The following L3MBTL4 variants were observed in gnomAD, a reference collection of about 807,000 sequenced individuals.
L3MBTL4 encodes lethal(3)malignant brain tumor-like protein 4.
In L3MBTL4, 70 loss-of-function variants were observed where a neutral mutation model predicts 84.5. That is an observed-to-expected ratio of 0.83 (90% confidence interval 0.68 to 1.01). The LOEUF is 1.01. L3MBTL4 is among the 50% of genes least tolerant of loss of function. The pLI is 0.00. For missense variants in L3MBTL4, 715 were observed against 754.8 expected (o/e 0.95, Z 0.62); for synonymous variants, 274 against 259.8 (o/e 1.05, Z -0.52).
chr18:5,958,627 C>T (rs1288086431), intron 18 of L3MBTL4, among the ~76,000 whole-genome samples: 1 of 152,144 alleles, frequency 6.6e-6, no homozygotes, highest in Non-Finnish European at 1.5e-5. Context: ...CATGCAGCTT[C>T]TAAGGGGCAA....
chr18:6,080,911 C>T lies in L3MBTL4; in HGVS notation c.1414G>A (p.Glu472Lys). The part of the protein sequence containing the change: ...QAKCLKIKGK[E>K]DIDLDNLFRE... ...AAGAGATTATCCAAGTCAATATCTTCTTTTCCTTTGATTTTCAAACACTTT... is the reference window on the plus strand; with the variant it reads ...AAGAGATTATCCAAGTCAATATCTTTTTTTCCTTTGATTTTCAAACACTTT... Residue 472 changes from glutamate to lysine, a missense_variant, in exon 16 of 19, where the codon GAA becomes AAA. Transcript: ENST00000317931. 6.2e-7 allele frequency: 1 copy of T among 1,608,652 alleles called. No individual in the cohort carries two copies.
chr18:6,285,638 C>A (rs953096482), intron 4 of L3MBTL4, among the ~76,000 whole-genome samples: 1 of 151,902 alleles, frequency 6.6e-6, no homozygotes, highest in Non-Finnish European at 1.5e-5. Context: ...TAATTCCCTG[C>A]AAGCCCTGCT....
chr18:5,973,465 A>G (rs1352477656), intron 16 of L3MBTL4, among the ~76,000 whole-genome samples: 1 of 152,206 alleles, frequency 6.6e-6, no homozygotes, highest in Non-Finnish European at 1.5e-5. Flanking sequence ...CTGTGCATAA[A>G]ATTACACTTT....
chr18:6,168,486 A>G (rs1289805321), intron 13 of L3MBTL4, among the ~76,000 whole-genome samples: 1 of 152,162 alleles, frequency 6.6e-6, no homozygotes, highest in Non-Finnish European at 1.5e-5. Context: ...AGAGATACAG[A>G]CCAATGGAAC....
intron 13 of L3MBTL4, among the ~76,000 whole-genome samples, chr18:6,154,345 ACAGT>A (rs1290785091): frequency 6.6e-6 from 1 of 152,314 alleles, no homozygotes; most frequent in East Asian, 1.9e-4. Flanking sequence ...GCACATCAAG[ACAGT>A]CAAATATCTG....
intron 1 of L3MBTL4, among the ~76,000 whole-genome samples, chr18:6,394,238 T>A (rs141377924): frequency 0.016 from 2,479 of 152,206 alleles, 71 homozygotes; most frequent in African/African-American, 0.057. Flanking sequence ...GAGACCGAGT[T>A]GGGCAGATCA....
intron 10 of L3MBTL4, among the ~76,000 whole-genome samples, chr18:6,232,427 C>T (rs1384331804): frequency 6.6e-6 from 1 of 151,984 alleles, no homozygotes; most frequent in African/African-American, 2.4e-5. Context: ...GTTCCCTCAT[C>T]TTCTGTTTTT....
At chr18:6,183,397 G>A (rs1045312592) in intron 12 of L3MBTL4, among the ~76,000 whole-genome samples, 3 of 152,310 alleles carry the variant, frequency 2.0e-5, no homozygotes, top group Admixed American at 6.5e-5. Flanking sequence ...CACCGTGGCC[G>A]ACGCTGCGCC....
At chr18:6,122,547 T>C (rs796913220) in intron 14 of L3MBTL4, among the ~76,000 whole-genome samples, 4 of 152,360 alleles carry the variant, frequency 2.6e-5, no homozygotes, top group African/African-American at 9.6e-5. Flanking sequence ...ACCATCCATG[T>C]AAGACATGAC....
At chr18:6,043,637 T>C (rs1320594697) in intron 16 of L3MBTL4, among the ~76,000 whole-genome samples, 1 of 152,198 alleles carries the variant, frequency 6.6e-6, no homozygotes, top group Non-Finnish European at 1.5e-5. Context: ...ATACGGTCAA[T>C]CGATTAATCT....
chr18:6,029,524 TG>T, intron 16 of L3MBTL4: 4 of 984,458 alleles, frequency 4.1e-6, no homozygotes, highest in African/African-American at 1.7e-5. Flanking sequence ...CAATCTTAGG[TG>T]GAGGACATCA....
chr18:6,358,840 C>A (rs1480524397), intron 1 of L3MBTL4, among the ~76,000 whole-genome samples: 4 of 152,290 alleles, frequency 2.6e-5, no homozygotes, highest in African/African-American at 9.6e-5. Flanking sequence ...GAAGCACTGG[C>A]CTGAGGGCTC....
In L3MBTL4 at chr18:6,195,903, G is replaced by A. The variant is rs79320438; in HGVS notation, c.981+17246C>T. On this transcript the variant is annotated intron_variant, in intron 12 of 18. Transcript: ENST00000317931. ...TATTTTGGTGGACACTTGAGCAGAC[G>A]AGAAGCTGTGTCGGCTTAGTTCCAC... 2.7e-3 allele frequency among the ~76,000 whole-genome samples: 416 copies of A among 152,198 alleles called. 1 individual carries two copies. Among genetic ancestry groups the A allele is most frequent in the African/African-American group, 9.1e-3 (379 of 41,514 alleles).
chr18:6,330,065 G>C (rs1346218755), intron 1 of L3MBTL4, among the ~76,000 whole-genome samples: 2 of 152,124 alleles, frequency 1.3e-5, no homozygotes, highest in African/African-American at 2.4e-5. Flanking sequence ...TTTTGTTGCT[G>C]ATGAGTATTT....
chr18:6,031,366 A>G, intron 16 of L3MBTL4: 1 of 985,440 alleles, frequency 1.0e-6, no homozygotes, highest in Non-Finnish European at 1.2e-6. Flanking sequence ...CTTATTGTAG[A>G]TAGCAAGAGA....
chr18:6,121,138 C>T (rs2059510221), intron 14 of L3MBTL4, among the ~76,000 whole-genome samples: 1 of 152,134 alleles, frequency 6.6e-6, no homozygotes, highest in African/African-American at 2.4e-5. Context: ...GCAGCATGTA[C>T]TATTATAACT....
intron 16 of L3MBTL4, among the ~76,000 whole-genome samples, chr18:6,023,876 A>G (rs2055380140): frequency 6.6e-6 from 1 of 152,140 alleles, no homozygotes. Context: ...TATTATTTGA[A>G]CCCAATGCAG....
chr18:6,383,393 C>A (rs1342049022), intron 1 of L3MBTL4, among the ~76,000 whole-genome samples: 1 of 152,114 alleles, frequency 6.6e-6, no homozygotes, highest in Non-Finnish European at 1.5e-5. Flanking sequence ...TTGTGTCTGC[C>A]CAAACAGCCA....
intron 12 of L3MBTL4, among the ~76,000 whole-genome samples, chr18:6,196,674 T>C (rs941484199): frequency 1.3e-5 from 2 of 152,182 alleles, no homozygotes; most frequent in African/African-American, 4.8e-5. Context: ...CTTCTCAGTG[T>C]GAAAAATGCT....
Sources: allele counts gnomAD v4.1 joint callset (sites outside exome capture counted in the v4.1 genomes callset), GRCh38; gene constraint gnomAD v4.1.1; transcripts MANE v1.5; gene names NCBI Gene and HGNC (gene_info 2026-07-23, HGNC 2026-07-21).